SCIN: variants seen among roughly 807,000 people sequenced by gnomAD.
SCIN encodes the protein adseverin.
Under a neutral mutation model 91.8 loss-of-function variants are expected in SCIN, and 91 were observed. The ratio of observed to expected loss-of-function variants is 0.99; its 90% CI spans 0.84 to 1.18. The LOEUF is 1.18. Ranked by LOEUF, SCIN falls within the 50% of genes most tolerant of loss-of-function variation. The probability of loss-of-function intolerance (pLI) is 0.00; values close to 1 mark genes in which losing one functional copy is unlikely to be tolerated. For missense variants in SCIN, 1,087 were observed against 863.9 expected (o/e 1.26, Z -3.24); for synonymous variants, 367 against 312.6 (o/e 1.17, Z -1.84).
chr7:12,606,129 C>T (rs916268386), intron 4 of SCIN, among the ~76,000 whole-genome samples: 1 of 152,182 alleles, frequency 6.6e-6, no homozygotes, highest in African/African-American at 2.4e-5. Context: ...TCCTGCGATG[C>T]GCCAGGCACT....
chr7:12,581,080 A>G lies in SCIN; in HGVS notation c.375A>G (p.Gly125=). The G allele has an allele frequency of 1.3e-6, 2 of 1,551,138 alleles. No homozygotes were observed. Among genetic ancestry groups the G allele is most frequent in the East Asian group, 2.4e-5 (1 of 40,900 alleles). ...ATCAGGCTGGAGGCGTGGCATCTGG[A>G]TTAAATCATGTTCTTACGAACGACC... is the stretch of plus-strand genomic sequence containing the variant. ...LKYKAGGVAS[G]LNHVLTNDLT... The change falls in exon 3 of 16, where the codon GGA becomes GGG. Residue 125 remains glycine, a synonymous_variant. Transcript: ENST00000297029.
chr7:12,607,745 G>C (rs1447634824), intron 4 of SCIN, among the ~76,000 whole-genome samples: 7 of 152,128 alleles, frequency 4.6e-5, no homozygotes, highest in Non-Finnish European at 1.5e-5. Flanking sequence ...AGCATTCAGT[G>C]GTCTTTTCGC....
intron 1 of SCIN, among the ~76,000 whole-genome samples, chr7:12,573,880 G>C (rs923123137): frequency 6.6e-6 from 1 of 152,102 alleles, no homozygotes; most frequent in African/African-American, 2.4e-5. Context: ...TACAATATAC[G>C]ATACAAAGAA....
intron 3 of SCIN, among the ~76,000 whole-genome samples, chr7:12,584,426 G>A (rs1249598861): frequency 6.6e-6 from 1 of 152,174 alleles, no homozygotes; most frequent in African/African-American, 2.4e-5. Flanking sequence ...TCATATATCA[G>A]AGAAATCAGC....
chr7:12,604,992 A>G (rs1422042882), intron 4 of SCIN, among the ~76,000 whole-genome samples: 2 of 150,514 alleles, frequency 1.3e-5, no homozygotes, highest in African/African-American at 4.9e-5. Flanking sequence ...GAAGGAAGAC[A>G]ATATTAATAG....
At chr7:12,592,757 A>T (rs552186171) in intron 3 of SCIN, among the ~76,000 whole-genome samples, 8 of 152,192 alleles carry the variant, frequency 5.3e-5, no homozygotes, top group Non-Finnish European at 1.0e-4. Flanking sequence ...TGGCAAGCGG[A>T]CAAGAGATGA....
At position 12,636,057 on chromosome 7, in the gene SCIN, T is replaced by C. The variant is rs1783744551; in HGVS notation, c.1332T>C (p.Asn444=). 1 of 1,612,392 alleles carries C rather than the reference T, an allele frequency of 6.2e-7. No individual in the cohort carries two copies. The stretch of plus-strand genomic sequence containing the variant: ...TTCATTCCTCTAGGCAAGGAGCAAA[T>C]GCCACACGAGATGAGCTGACAACAT... ...GQIIYTWQGA[N]ATRDELTTSA... The change falls in exon 10 of 16, where the codon AAT becomes AAC. Residue 444 remains asparagine (N), a synonymous_variant. Coordinates refer to ENST00000297029, the MANE Select transcript of SCIN (RefSeq NM_001112706.3).
At position 12,649,523 on chromosome 7, in the gene SCIN, G is replaced by A; in HGVS notation, c.1938G>A (p.Met646Ile). ...ATGATTTAGCTGAAGATGATGTCAT[G>A]TTACTAGATGCTTGGGAACAGGTAA... ...TQDDLAEDDVMLLDAWEQIFI... is the reference protein window; with the variant it reads ...TQDDLAEDDVILLDAWEQIFI... Residue 646 changes from methionine (M) to isoleucine (I), a missense_variant, in exon 14 of 16, where the codon ATG (methionine) becomes ATA (isoleucine). Physicochemically the swap from Met to Ile is conservative, Grantham distance 10. Transcript: ENST00000297029. 1 of 1,601,312 alleles carries A rather than the reference G, an allele frequency of 6.2e-7. No homozygotes were observed. Among genetic ancestry groups the A allele is most frequent in the Non-Finnish European group, 8.5e-7 (1 of 1,173,248 alleles).
rs1485468772 is a variant in SCIN, at chr7:12,596,445, T to A, written c.517-8069T>A. 8.8e-6 allele frequency: 4 copies of A among 456,232 alleles called. No homozygotes were observed. The East Asian group carries it at 2.8e-4, about 32-fold the overall frequency. The allele number at this position is 456,232 out of a possible 1,614,324, so 28.3% of individuals were successfully genotyped here. On this transcript the variant is annotated intron_variant, in intron 3 of 15. Coordinates refer to ENST00000297029, the MANE Select transcript of SCIN (RefSeq NM_001112706.3). ...GCAACAGGTGTGAACCTTCAGGAAA[T>A]GGCCTCTTTCTGGTGCCAGCTGCCA...
intron 4 of SCIN, among the ~76,000 whole-genome samples, chr7:12,607,309 T>C (rs1391358954): frequency 6.6e-6 from 1 of 152,230 alleles, no homozygotes; most frequent in African/African-American, 2.4e-5. Flanking sequence ...ACCACTCATT[T>C]GCCACTTGTA....
In SCIN at chr7:12,583,132, A is replaced by G. The variant is rs147303173; in HGVS notation, c.516+1911A>G. Among the ~76,000 whole-genome samples the G allele has an allele frequency of 9.5e-4, 145 of 152,212 alleles. 1 individual carries two copies. Among genetic ancestry groups the G allele is most frequent in the East Asian group, 2.5e-3 (13 of 5,186 alleles). On this transcript the variant is annotated intron_variant, in intron 3 of 15. Transcript: ENST00000297029. ...CTTTTCTTAAAAAAAAAAACTTGTTATATATAATGTAATTGCTATGTAAAT... is the reference window on the plus strand; with the variant it reads ...CTTTTCTTAAAAAAAAAAACTTGTTGTATATAATGTAATTGCTATGTAAAT...
chr7:12,581,438 T>C (rs1373550240), intron 3 of SCIN, among the ~76,000 whole-genome samples: 1 of 152,190 alleles, frequency 6.6e-6, no homozygotes, highest in East Asian at 1.9e-4. Flanking sequence ...GATTTAGTTC[T>C]TCCTACCATA....
intron 1 of SCIN, chr7:12,577,646 G>GT (rs1347758201): frequency 2.2e-6 from 1 of 453,886 alleles, no homozygotes; most frequent in Admixed American, 2.4e-5. Flanking sequence ...GAGGCCAGGA[G>GT]TTTGAGACCA....
chr7:12,617,008 C>T (rs1261908634), intron 4 of SCIN, among the ~76,000 whole-genome samples: 3 of 152,100 alleles, frequency 2.0e-5, no homozygotes, highest in African/African-American at 7.2e-5. Context: ...ATTACCAAGA[C>T]ATATAGACTG....
In SCIN at chr7:12,626,617, A is replaced by G. The variant is rs1005690724; in HGVS notation, c.1015A>G (p.Ile339Val). 1.1e-5 allele frequency: 17 copies of G among 1,551,544 alleles called. No homozygotes were observed. The highest frequency in any genetic ancestry group is 5.5e-5 in the African/African-American group (4 of 73,056). Reference sequence around the variant, plus strand: ...TCTTCCAGAAGGAGGTGAAACACCAATCTTCAAACAGTTTTTTAAGGACTG... The same window carrying G: ...TCTTCCAGAAGGAGGTGAAACACCAGTCTTCAAACAGTTTTTTAAGGACTG... ...QVLPEGGETPIFKQFFKDWRD... is the reference protein window; with the variant it reads ...QVLPEGGETPVFKQFFKDWRD... Residue 339 changes from isoleucine to valine, a missense_variant, in exon 8 of 16, where the codon ATC (isoleucine) becomes GTC (valine). By Grantham distance (29) the Ile-to-Val change is conservative. Coordinates refer to ENST00000297029, the MANE Select transcript of SCIN (RefSeq NM_001112706.3).
At chr7:12,648,215 ATAT>A (rs771379384) in intron 13 of SCIN, among the ~76,000 whole-genome samples, 3 of 152,128 alleles carry the variant, frequency 2.0e-5, no homozygotes, top group Non-Finnish European at 4.4e-5. Flanking sequence ...GTACATGCAA[ATAT>A]TATGTTATAA....
intron 3 of SCIN, among the ~76,000 whole-genome samples, chr7:12,602,637 T>C (rs1433858947): frequency 6.6e-6 from 1 of 152,144 alleles, no homozygotes; most frequent in Admixed American, 6.5e-5. Context: ...TTAATATTCC[T>C]TGCTAGGAAA....
Position 12,640,351 on chromosome 7 carries a change from G to T in SCIN, c.1415G>T (p.Arg472Leu), listed in dbSNP as rs757373352. Reference protein sequence around the residue: ...RSLGGQAVQIRVSQGKEPVHL... With the variant: ...RSLGGQAVQILVSQGKEPVHL... ...ATTCCCCCTCTCCCCCATCAGATCC[G>T]AGTCTCCCAAGGCAAAGAGCCTGTT... The change falls in exon 11 of 16, where the codon CGA becomes CTA. Residue 472 changes from arginine to leucine, a missense_variant. By Grantham distance (102) the Arg-to-Leu change is moderately radical. Coordinates refer to ENST00000297029, the MANE Select transcript of SCIN (RefSeq NM_001112706.3). 1 of 1,582,922 alleles carries T rather than the reference G, an allele frequency of 6.3e-7. No individual in the cohort carries two copies. The highest frequency in any genetic ancestry group is 2.4e-5 in the East Asian group (1 of 42,366).
intron 4 of SCIN, among the ~76,000 whole-genome samples, chr7:12,608,186 C>G (rs1783117367): frequency 6.6e-6 from 1 of 152,114 alleles, no homozygotes; most frequent in Admixed American, 6.6e-5. Flanking sequence ...ATTTTAATAG[C>G]TGCATTTCAA....
Sources: allele counts gnomAD v4.1 joint callset (sites outside exome capture counted in the v4.1 genomes callset), GRCh38; gene constraint gnomAD v4.1.1; transcripts MANE v1.5; gene names NCBI Gene and HGNC (gene_info 2026-07-23, HGNC 2026-07-21).